Variants in CACNA1I observed in about 807,000 individuals in gnomAD.
CACNA1I encodes voltage-dependent T-type calcium channel subunit alpha-1I.
Under a neutral mutation model 201.6 loss-of-function variants are expected in CACNA1I, and 74 were observed. The observed-to-expected ratio is 0.37, with a 90% CI of 0.30 to 0.45. The LOEUF (loss-of-function observed/expected upper bound fraction) is 0.45. Ranked by LOEUF, CACNA1I falls within the 20% of genes least tolerant of loss-of-function variation. The pLI is 1.00. For synonymous variants in CACNA1I, 1,431 were observed against 1,345.2 expected (o/e 1.06, Z -1.40); for missense variants, 2,346 against 3,138.1 (o/e 0.75, Z 6.03).
chr22:39,665,354 C>T lies in CACNA1I; in HGVS notation c.3852-144C>T, dbSNP rs1023240768. 11 of 934,578 alleles carry T rather than the reference C, an allele frequency of 1.2e-5. No individual in the cohort carries two copies. In the African/African-American group the frequency reaches 1.3e-4, roughly 11 times the overall value. 57.9% of individuals were successfully genotyped at this position (934,578 alleles called of 1,614,324 possible). On this transcript the variant is annotated intron_variant, in intron 21 of 36. Coordinates refer to ENST00000402142, the MANE Select transcript of CACNA1I (RefSeq NM_021096.4). The surrounding 1 kb of genome is among the most constrained non-coding windows in gnomAD (Gnocchi z 5.5). ...CTTTCTCTGCATTCCTGGAGACTGT[C>T]CTCATGCCCCAGGGTGTTCAGCCCT...
chr22:39,673,852 C>A (rs1486957174), intron 28 of CACNA1I, 111 bp from the exon 29 acceptor site: 1 of 934,456 alleles, frequency 1.1e-6, no homozygotes, highest in Non-Finnish European at 1.6e-6. Context: ...ACTCTGCTTG[C>A]ACGTGCCTTC....
intron 34 of CACNA1I, 74 bp downstream of exon 34, chr22:39,681,126 C>A (rs1935692743): frequency 1.3e-6 from 2 of 1,497,844 alleles, no homozygotes; most frequent in African/African-American, 2.8e-5. Flanking sequence ...CAGGCAGGAC[C>A]CCCCTGTCTT....
Position 39,570,918 on chromosome 22 carries a change from C to T in CACNA1I, c.166C>T (p.Pro56Ser), listed in dbSNP as rs1056988532. The change falls in exon 1 of 37, where the codon CCT becomes TCT. Residue 56 changes from proline to serine, a missense_variant. Pro to Ser is a moderately conservative substitution (Grantham distance 74). Transcript: ENST00000402142. The stretch of plus-strand genomic sequence containing the variant: ...TCATGTCCCACACCCAGACCTGGCG[C>T]CTATTGCCTTCTTCTGCCTGCGACA... ...DPHVPHPDLA[P>S]IAFFCLRQTT... 5 of 1,613,848 alleles carry T rather than the reference C, an allele frequency of 3.1e-6. No individual in the cohort carries two copies. The highest frequency in any genetic ancestry group is 4.2e-6 in the Non-Finnish European group (5 of 1,179,850).
Position 39,647,928 on chromosome 22 carries a change from C to T in CACNA1I, c.1567+2C>T, listed in dbSNP as rs755290286. 2 of 1,612,590 alleles carry T rather than the reference C, an allele frequency of 1.2e-6. No individual in the cohort carries two copies. The highest frequency in any genetic ancestry group is 1.3e-5 in the African/African-American group (1 of 74,900). On this transcript the variant is annotated splice_donor_variant, in intron 9 of 36. Coordinates refer to ENST00000402142, the MANE Select transcript of CACNA1I (RefSeq NM_021096.4). LOFTEE classifies it low-confidence loss of function (GC_TO_GT_DONOR). ...CTGGAAATGATCACTCGGGAAGAGG[C>T]AAGCCAGGGCCACGGGAGGTGGGCC... is the stretch of plus-strand genomic sequence containing the variant.
intron 1 of CACNA1I, among the ~76,000 whole-genome samples, chr22:39,592,621 T>C (rs1454094448): frequency 6.6e-6 from 1 of 152,184 alleles, no homozygotes; most frequent in Non-Finnish European, 1.5e-5. Flanking sequence ...TGAGAGGCAG[T>C]TGGGAGCCAT....
At position 39,666,875 on chromosome 22, in the gene CACNA1I, C is replaced by T. The variant is rs1186242506; in HGVS notation, c.4104+869C>T. On this transcript the variant is annotated intron_variant, in intron 23 of 36. Transcript: ENST00000402142. This position sits in a 1 kb window ranked among gnomAD's most constrained non-coding sequence, Gnocchi z 4.1. The stretch of plus-strand genomic sequence containing the variant: ...CCAGGACAGTCACTACCCCTGCCCT[C>T]CTGGGGAAAAGATGTCTTAGGAAGT... Among the ~76,000 whole-genome samples the T allele has an allele frequency of 1.3e-5, 2 of 152,176 alleles. No homozygotes were observed. The highest frequency in any genetic ancestry group is 6.5e-5 in the Admixed American group (1 of 15,286).
chr22:39,593,718 G>A (rs1278692796), intron 1 of CACNA1I, among the ~76,000 whole-genome samples: 2 of 152,178 alleles, frequency 1.3e-5, no homozygotes, highest in East Asian at 1.9e-4. Context: ...TAGCCTGGCA[G>A]TGGCAAAACA....
chr22:39,579,562 G>A (rs998066933), intron 1 of CACNA1I, among the ~76,000 whole-genome samples: 18 of 152,168 alleles, frequency 1.2e-4, no homozygotes, highest in African/African-American at 4.3e-4. Flanking sequence ...CAGGACCTCA[G>A]GAAGCTTTTA....
In CACNA1I at chr22:39,686,627, CATATAT is replaced by C. The variant is rs72041195; in HGVS notation, c.*243_*248del. The C allele has an allele frequency of 0.028, 3,577 of 127,080 alleles. 135 individuals carry two copies. The highest frequency in any genetic ancestry group is 0.082 in the African/African-American group (3,040 of 37,072). The allele number at this position is 127,080 out of a possible 1,614,324, so 7.9% of individuals were successfully genotyped here. A position where few individuals can be genotyped will look rare whatever the true frequency, so the allele number is the denominator to read the frequency against. ...ATACATACATATATATATATATATGCATATATATATATATATATATATATATGTGTA... is the reference window on the plus strand; with the variant it reads ...ATACATACATATATATATATATATGCATATATATATATATATATATGTGTA... On this transcript the variant is annotated 3_prime_UTR_variant, in exon 37 of 37. Transcript: ENST00000402142.
At chr22:39,609,631 C>T (rs1362570370) in intron 3 of CACNA1I, among the ~76,000 whole-genome samples, 2 of 152,204 alleles carry the variant, frequency 1.3e-5, no homozygotes, top group African/African-American at 2.4e-5. Flanking sequence ...CCTTCCCTTC[C>T]CTAGTGCATT....
chr22:39,656,072 T>G (rs1934807874), intron 10 of CACNA1I, among the ~76,000 whole-genome samples: 1 of 152,170 alleles, frequency 6.6e-6, no homozygotes, highest in African/African-American at 2.4e-5. Flanking sequence ...CGAGGGTCCC[T>G]CTCAGGGTCC....
rs145823347 is a variant in CACNA1I, at chr22:39,629,223, G to A, written c.581-5342G>A. On this transcript the variant is annotated intron_variant, in intron 4 of 36. Coordinates refer to ENST00000402142, the MANE Select transcript of CACNA1I (RefSeq NM_021096.4). The surrounding 1 kb of genome is among the most constrained non-coding windows in gnomAD (Gnocchi z 4.8). ...CCTGGTGCTCCACATGACGCTCCCG[G>A]GCCAGACTGTTCTCCCCTGAACTCC... Among the ~76,000 whole-genome samples, 169 of 152,148 alleles carry A rather than the reference G, an allele frequency of 1.1e-3. 6 individuals carry two copies. The East Asian group carries it at 0.032, about 29-fold the overall frequency.
rs370273541 is a variant in CACNA1I at position 39,649,511 on chromosome 22, G to A, written c.1578G>A (p.Pro526=). ...GNDHSGRELC[P]QHSPLDATPH... is the part of the protein sequence containing the mutation. ...TCATTTGCTTTTCAGAGCTGTGCCC[G>A]CAACATAGCCCCCTGGATGCGACGC... The change falls in exon 10 of 37, where the codon CCG becomes CCA. Residue 526 remains proline, a synonymous_variant. Transcript: ENST00000402142. The surrounding 1 kb of genome is among the most constrained non-coding windows in gnomAD (Gnocchi z 7.3). 3.8e-5 allele frequency: 60 copies of A among 1,563,140 alleles called. No individual in the cohort carries two copies. Among genetic ancestry groups the A allele is most frequent in the Admixed American group, 2.4e-4 (13 of 53,294 alleles).
chr22:39,678,779 C>T (rs1358493533), intron 31 of CACNA1I, among the ~76,000 whole-genome samples: 2 of 152,196 alleles, frequency 1.3e-5, no homozygotes, highest in East Asian at 3.8e-4. Context: ...GCACCCTACT[C>T]CCCAGGGGCC....
At position 39,684,879 on chromosome 22, in the gene CACNA1I, C is replaced by A; in HGVS notation, c.6027+381C>A. The A allele has an allele frequency of 2.4e-6, 1 of 421,038 alleles. No individual in the cohort carries two copies. Among genetic ancestry groups the A allele is most frequent in the Non-Finnish European group, 4.3e-6 (1 of 232,424 alleles). The allele number at this position is 421,038 out of a possible 1,614,324, so 26.1% of individuals were successfully genotyped here. A position where few individuals can be genotyped will look rare whatever the true frequency, so the allele number is the denominator to read the frequency against. ...TGCTCTGGGTGGGTGTGAGTGGGGGCTTGATTACTAGGAATGGAGGTGGGA... is the reference window on the plus strand; with the variant it reads ...TGCTCTGGGTGGGTGTGAGTGGGGGATTGATTACTAGGAATGGAGGTGGGA... On this transcript the variant is annotated intron_variant, in intron 36 of 36. Coordinates refer to ENST00000402142, the MANE Select transcript of CACNA1I (RefSeq NM_021096.4). The surrounding 1 kb of genome is among the most constrained non-coding windows in gnomAD (Gnocchi z 4.6).
chr22:39,662,434 A>G lies in CACNA1I; in HGVS notation c.3371A>G (p.Tyr1124Cys). ...DRGEDEEEID[Y>C]TLCFRVRKMI... The stretch of plus-strand genomic sequence containing the variant: ...GGGGAGGATGAGGAGGAAATCGACT[A>G]CGTGAGTGGGGGCGGGGCCGAAGGG... Residue 1124 changes from tyrosine to cysteine, a missense_variant and splice_region_variant, in exon 17 of 37, where the codon TAC becomes TGC. Tyr to Cys is a radical substitution (Grantham distance 194). This residue lies in a region of CACNA1I where 158 missense variants were observed against 231.6 expected (regional missense o/e 0.68). Coordinates refer to ENST00000402142, the MANE Select transcript of CACNA1I (RefSeq NM_021096.4). The G allele has an allele frequency of 7.0e-7, 1 of 1,438,102 alleles. No homozygotes were observed. Among genetic ancestry groups the G allele is most frequent in the Non-Finnish European group, 9.1e-7 (1 of 1,104,350 alleles). 89.1% of individuals were successfully genotyped at this position (1,438,102 alleles called of 1,614,324 possible).
At chr22:39,589,046 G>A (rs906301426) in intron 1 of CACNA1I, among the ~76,000 whole-genome samples, 7 of 152,132 alleles carry the variant, frequency 4.6e-5, no homozygotes, top group South Asian at 4.1e-4. Flanking sequence ...TGTCCTGTAC[G>A]TTGTAGGGTG....
chr22:39,653,684 G>T (rs1395757254), intron 10 of CACNA1I, among the ~76,000 whole-genome samples: 1 of 152,218 alleles, frequency 6.6e-6, no homozygotes, highest in Non-Finnish European at 1.5e-5. Context: ...CTGTGAAGTG[G>T]GGCAGAGTGA....
intron 10 of CACNA1I, 115 bp downstream of exon 10, chr22:39,650,040 A>G: frequency 1.7e-6 from 2 of 1,145,428 alleles, no homozygotes; most frequent in South Asian, 2.7e-5. Context: ...GTCCACCTAG[A>G]AGTGCCGGGC....
Sources: gnomAD v4.1 joint callset for allele counts (sites outside exome capture counted in the v4.1 genomes callset) on GRCh38, gnomAD v4.1.1 for gene constraint, gnomAD v4.1.1 regional missense constraint, Gnocchi (gnomAD v3.1) non-coding constraint, MANE v1.5 for transcripts, NCBI Gene and HGNC (gene_info 2026-07-23, HGNC 2026-07-21) for gene names.